The following DSTYK variants were observed in gnomAD, a reference collection of about 807,000 sequenced individuals.
DSTYK encodes RIP-homologous kinase.
DSTYK carries 34 observed loss-of-function variants against 98.7 expected under a neutral mutation model. That is an observed-to-expected ratio of 0.34 (90% confidence interval 0.26 to 0.46). The LOEUF is 0.46. Among genes scored for constraint, DSTYK ranks in the 20% least tolerant of loss-of-function variants. The pLI, the probability that DSTYK is intolerant of heterozygous loss-of-function variation, is 1.00. For missense variants in DSTYK, 962 were observed against 1,181.7 expected, an observed-to-expected ratio of 0.81 and a Z score of 2.73; for synonymous variants, 462 against 457.3, an observed-to-expected ratio of 1.01 and a Z score of -0.13.
chr1:205,154,084 T>TGTGTGC (rs558872879), intron 10 of DSTYK, among the ~76,000 whole-genome samples: 100 of 144,904 alleles, frequency 6.9e-4, no homozygotes, highest in African/African-American at 2.0e-3. Flanking sequence ...TGTGTGTGTG[T>TGTGTGC]GCATGTATAG....
chr1:205,158,152 TC>T (rs1306165595), intron 9 of DSTYK, among the ~76,000 whole-genome samples: 1 of 152,146 alleles, frequency 6.6e-6, no homozygotes, highest in Non-Finnish European at 1.5e-5. Flanking sequence ...ATTCAAAAGC[TC>T]AAAGGACATT....
chr1:205,188,115 AG>A (rs1176587076), intron 1 of DSTYK, among the ~76,000 whole-genome samples: 1 of 152,166 alleles, frequency 6.6e-6, no homozygotes, highest in Admixed American at 6.6e-5. Context: ...GGACAGCCTA[AG>A]GAGTTTATAA....
chr1:205,160,082 T>C (rs1201042954), intron 8 of DSTYK, 32 bp downstream of exon 8: 2 of 1,612,358 alleles, frequency 1.2e-6, no homozygotes, highest in African/African-American at 1.3e-5. Context: ...CTCTGGATCT[T>C]TCTCATAGAG....
intron 7 of DSTYK, 34 bp from the exon 8 acceptor site, chr1:205,160,304 G>A: frequency 6.3e-7 from 1 of 1,582,662 alleles, no homozygotes; most frequent in South Asian, 1.2e-5. Flanking sequence ...AAGGCAGGAG[G>A]AATGGGAACT....
chr1:205,189,902 T>C (rs1047302067), intron 1 of DSTYK, among the ~76,000 whole-genome samples: 1 of 152,192 alleles, frequency 6.6e-6, no homozygotes, highest in African/African-American at 2.4e-5. Flanking sequence ...CAAGGGTATT[T>C]ACTAAATACA....
chr1:205,169,346 G>A lies in DSTYK; in HGVS notation c.1141C>T (p.Gln381Ter). 1 of 1,614,138 alleles carries A rather than the reference G, an allele frequency of 6.2e-7. No homozygotes were observed. Among genetic ancestry groups the A allele is most frequent in the Non-Finnish European group, 8.5e-7 (1 of 1,180,026 alleles). The change falls in exon 3 of 13, where the codon CAG (glutamine) becomes TAG (stop). Residue 381 changes from glutamine (Q) to a stop codon, truncating the protein, a stop_gained. Coordinates refer to ENST00000367162, the MANE Select transcript of DSTYK (RefSeq NM_015375.3). LOFTEE classifies it high-confidence loss of function. The surrounding 1 kb of genome is among the most constrained non-coding windows in gnomAD (Gnocchi z 4.0). ...DIFINQAFDMQRDLQITPKRL... is the reference protein window; with the variant it reads ...DIFINQAFDM ...TTGGGAGTGATCTGCAGGTCCCGCT[G>A]CATGTCAAATGCCTGGTTAATAAAG...
chr1:205,171,364 C>T (rs1402308236), intron 2 of DSTYK, among the ~76,000 whole-genome samples: 7 of 150,222 alleles, frequency 4.7e-5, no homozygotes, highest in East Asian at 2.0e-4. Flanking sequence ...GGCAGGAGAA[C>T]GGCTTGAACC....
At position 205,146,325 on chromosome 1, in the gene DSTYK, C is replaced by G. The variant is rs1657231925; in HGVS notation, c.*1233G>C. 6.6e-6 allele frequency: 1 copy of G among 152,126 alleles called. No individual in the cohort carries two copies. Among genetic ancestry groups the G allele is most frequent in the Non-Finnish European group, 1.5e-5 (1 of 68,034 alleles). The allele number at this position is 152,126 out of a possible 1,614,324, so 9.4% of individuals were successfully genotyped here. ...CATCTCCCACCTCTCAGTTCTCACCCAAATACTTCGCATTGGGTTGGTTTT... is the reference window on the plus strand; with the variant it reads ...CATCTCCCACCTCTCAGTTCTCACCGAAATACTTCGCATTGGGTTGGTTTT... On this transcript the variant is annotated 3_prime_UTR_variant, in exon 13 of 13. Coordinates refer to ENST00000367162, the MANE Select transcript of DSTYK (RefSeq NM_015375.3).
rs377022950 is a variant in DSTYK, at chr1:205,164,921, CAAAG to C, written c.1325-970_1325-967del. Among the ~76,000 whole-genome samples, 58 of 152,164 alleles carry C rather than the reference CAAAG, an allele frequency of 3.8e-4. 1 individual carries two copies. Among genetic ancestry groups the C allele is most frequent in the African/African-American group, 1.4e-3 (57 of 41,514 alleles). ...GGTATTATAGATCAGGAAACAGCCTCAAAGAGAGAACAAAGTAGACATGGGAAGG... is the reference window on the plus strand; with the variant it reads ...GGTATTATAGATCAGGAAACAGCCTCAGAGAACAAAGTAGACATGGGAAGG... On this transcript the variant is annotated intron_variant, in intron 3 of 12. Transcript: ENST00000367162.
intron 11 of DSTYK, 56 bp from the exon 12 acceptor site, chr1:205,148,395 C>T (rs1657307513): frequency 1.2e-6 from 2 of 1,603,590 alleles, no homozygotes; most frequent in Non-Finnish European, 1.7e-6. Flanking sequence ...GCAGCAGCAT[C>T]TACACCACCT....
intron 2 of DSTYK, among the ~76,000 whole-genome samples, chr1:205,183,042 T>C (rs900065114): frequency 1.4e-5 from 2 of 146,016 alleles, no homozygotes; most frequent in African/African-American, 5.1e-5. Flanking sequence ...CTGCTGCTTC[T>C]TCCTTTTCTT....
At chr1:205,210,263 T>C (rs941240566) in intron 1 of DSTYK, among the ~76,000 whole-genome samples, 1 of 152,070 alleles carries the variant, frequency 6.6e-6, no homozygotes, top group Non-Finnish European at 1.5e-5. Context: ...ACCTATTCAA[T>C]AGGAATTTAT....
intron 2 of DSTYK, among the ~76,000 whole-genome samples, chr1:205,179,128 C>T (rs75362327): frequency 8.1e-6 from 1 of 122,712 alleles, no homozygotes; most frequent in Non-Finnish European, 1.7e-5. Context: ...GATACTGTCT[C>T]AAAAAAAAAA....
chr1:205,149,371 T>C (rs1657338404), intron 11 of DSTYK, among the ~76,000 whole-genome samples: 2 of 152,182 alleles, frequency 1.3e-5, no homozygotes, highest in Admixed American at 6.5e-5. Context: ...AATTTAAATA[T>C]ATTGCTAATT....
At chr1:205,210,584 G>C (rs1574810391) in intron 1 of DSTYK, among the ~76,000 whole-genome samples, 1 of 152,202 alleles carries the variant, frequency 6.6e-6, no homozygotes. Flanking sequence ...AAAGAATCAT[G>C]CAAGAAAGAA....
At position 205,211,299 on chromosome 1, in the gene DSTYK, G is replaced by C. The variant is rs756745709; in HGVS notation, c.237C>G (p.Gly79=). ...CCTGCAGCCCGGTTTCGGCGACATC[G>C]CCTGCAGGGCCGCGCTCGGCCCCGC... ...GGGGAERGPA[G]DVAETGLQAG... The change falls in exon 1 of 13, where the codon GGC becomes GGG. Residue 79 remains glycine (G), a synonymous_variant. Coordinates refer to ENST00000367162, the MANE Select transcript of DSTYK (RefSeq NM_015375.3). 6.2e-7 allele frequency: 1 copy of C among 1,607,108 alleles called. No homozygotes were observed. Among genetic ancestry groups the C allele is most frequent in the African/African-American group, 1.3e-5 (1 of 74,258 alleles).
In DSTYK at chr1:205,169,593, G is replaced by A. The variant is rs376327322; in HGVS notation, c.894C>T (p.Ser298=). 257 of 1,614,048 alleles carry A rather than the reference G, an allele frequency of 1.6e-4. No individual in the cohort carries two copies. Among genetic ancestry groups the A allele is most frequent in the Non-Finnish European group, 2.0e-4 (236 of 1,180,022 alleles). Residue 298 remains serine, a synonymous_variant, in exon 3 of 13, where the codon AGC becomes AGT. Coordinates refer to ENST00000367162, the MANE Select transcript of DSTYK (RefSeq NM_015375.3). This position sits in a 1 kb window ranked among gnomAD's most constrained non-coding sequence, Gnocchi z 4.0. ...GCTGGCGATAAAGCGGTGATCTTTC[G>A]CTCTCCATTCTCCTGGTTGAGGAGT... ...IIDSSTRRME[S]ERSPLYRQLI... is the part of the protein sequence containing the mutation.
intron 1 of DSTYK, among the ~76,000 whole-genome samples, chr1:205,204,455 T>TACACAC (rs56294352): frequency 0.15 from 22,804 of 148,400 alleles, 2,375 homozygotes; most frequent in East Asian, 0.44. Context: ...ATGCTCACCA[T>TACACAC]ACACACACAC....
intron 2 of DSTYK, among the ~76,000 whole-genome samples, chr1:205,171,978 T>G (rs1658077382): frequency 1.3e-5 from 2 of 152,068 alleles, no homozygotes; most frequent in African/African-American, 4.8e-5. Flanking sequence ...TTGATTGAGA[T>G]GCAGTCTCAC....
Sources: allele counts gnomAD v4.1 joint callset (sites outside exome capture counted in the v4.1 genomes callset), GRCh38; gene constraint gnomAD v4.1.1; non-coding constraint Gnocchi (gnomAD v3.1); transcripts MANE v1.5; gene names NCBI Gene and HGNC (gene_info 2026-07-23, HGNC 2026-07-21).